Variants in ARHGAP42 observed in about 807,000 individuals in gnomAD.
The protein encoded by ARHGAP42 is rho GTPase-activating protein 42.
In ARHGAP42, 63 loss-of-function variants were observed where a neutral mutation model predicts 125.0. The ratio of observed to expected loss-of-function variants is 0.50; its 90% CI spans 0.41 to 0.62. ARHGAP42 has a LOEUF of 0.62. Ranked by LOEUF, ARHGAP42 falls within the 20% of genes least tolerant of loss-of-function variation. The pLI, the probability that ARHGAP42 is intolerant of heterozygous loss-of-function variation, is 0.00. For synonymous variants in ARHGAP42, 339 were observed against 351.0 expected, an observed-to-expected ratio of 0.97 and a Z score of 0.38; for missense variants, 766 against 1,024.2, an observed-to-expected ratio of 0.75 and a Z score of 3.44.
At chr11:100,967,541 T>C (rs1004588888) in intron 17 of ARHGAP42, among the ~76,000 whole-genome samples, 1 of 152,184 alleles carries the variant, frequency 6.6e-6, no homozygotes, top group African/African-American at 2.4e-5. Context: ...TTTAATTCAA[T>C]AATATTCAGG....
At chr11:100,840,546 T>C (rs1057300121) in intron 3 of ARHGAP42, 6 of 152,204 alleles carry the variant, frequency 3.9e-5, no homozygotes, top group Non-Finnish European at 7.4e-5. Flanking sequence ...TTTGACCATG[T>C]AATTTGATCT....
At chr11:100,750,693 T>G (rs1862427488) in intron 1 of ARHGAP42, among the ~76,000 whole-genome samples, 1 of 150,732 alleles carries the variant, frequency 6.6e-6, no homozygotes, top group Non-Finnish European at 1.5e-5. Context: ...GAAATCGGAA[T>G]GAGTCAGGGT....
At chr11:100,961,224 A>G (rs1458444711) in intron 14 of ARHGAP42, among the ~76,000 whole-genome samples, 2 of 152,164 alleles carry the variant, frequency 1.3e-5, no homozygotes, top group South Asian at 2.1e-4. Flanking sequence ...TAGAGATACA[A>G]TAAGATGCAT....
At chr11:100,882,975 T>C (rs1242408968) in intron 4 of ARHGAP42, among the ~76,000 whole-genome samples, 1 of 152,208 alleles carries the variant, frequency 6.6e-6, no homozygotes, top group Non-Finnish European at 1.5e-5. Flanking sequence ...CTAATTGACC[T>C]TATTTGGATT....
intron 4 of ARHGAP42, among the ~76,000 whole-genome samples, chr11:100,888,576 G>A (rs576315351): frequency 2.8e-4 from 42 of 152,208 alleles, no homozygotes; most frequent in African/African-American, 9.4e-4. Context: ...CGTGTCAAAC[G>A]ATGTTGTTAT....
At chr11:100,900,152 T>C (rs1866502076) in intron 4 of ARHGAP42, among the ~76,000 whole-genome samples, 1 of 152,188 alleles carries the variant, frequency 6.6e-6, no homozygotes. Context: ...ATTTTCTTTC[T>C]CCTTCACTTA....
intron 3 of ARHGAP42, among the ~76,000 whole-genome samples, chr11:100,835,319 C>T (rs553395768): frequency 2.3e-4 from 35 of 152,250 alleles, no homozygotes; most frequent in African/African-American, 8.2e-4. Context: ...ATTATCTTTA[C>T]AGTTATACAT....
intron 12 of ARHGAP42, among the ~76,000 whole-genome samples, chr11:100,950,487 G>C (rs966172264): frequency 1.3e-5 from 2 of 151,594 alleles, no homozygotes; most frequent in African/African-American, 4.8e-5. Context: ...TTAGTGGATA[G>C]TGGCTAAGAA....
intron 3 of ARHGAP42, among the ~76,000 whole-genome samples, chr11:100,837,507 G>A (rs538719953): frequency 3.2e-4 from 48 of 151,958 alleles, no homozygotes; most frequent in African/African-American, 1.1e-3. Flanking sequence ...AAATACACAA[G>A]GAATGAGTGC....
chr11:100,731,151 T>G (rs936556307), intron 1 of ARHGAP42, among the ~76,000 whole-genome samples: 3 of 152,110 alleles, frequency 2.0e-5, no homozygotes, highest in Non-Finnish European at 4.4e-5. Flanking sequence ...CTTAGATTTA[T>G]ATCATTATAT....
chr11:100,733,846 A>AG lies in ARHGAP42; in HGVS notation c.155-36497_155-36496insG, dbSNP rs1250425123. 2.7e-5 allele frequency among the ~76,000 whole-genome samples: 4 copies of AG among 150,260 alleles called. No individual in the cohort carries two copies. The East Asian group carries it at 7.8e-4, about 29-fold the overall frequency. The stretch of plus-strand genomic sequence containing the variant: ...TCTGGAAAAAAAAAAAAAAAAAAAA[A>AG]AAAAAGCACTCCATTTATACAAATT... On this transcript the variant is annotated intron_variant, in intron 1 of 23. Transcript: ENST00000298815.
chr11:100,974,342 C>A, intron 18 of ARHGAP42, 117 bp from the exon 19 acceptor site: 1 of 941,088 alleles, frequency 1.1e-6, no homozygotes, highest in Non-Finnish European at 1.5e-6. Flanking sequence ...GTTACAATTG[C>A]TCTAGGATAC....
Position 100,811,907 on chromosome 11 carries a change from G to A in ARHGAP42, c.312+16741G>A, listed in dbSNP as rs117604823. Among the ~76,000 whole-genome samples, 10 of 152,176 alleles carry A rather than the reference G, an allele frequency of 6.6e-5. No homozygotes were observed. In the East Asian group the frequency reaches 1.7e-3, roughly 26 times the overall value. On this transcript the variant is annotated intron_variant, in intron 3 of 23. Coordinates refer to ENST00000298815, the MANE Select transcript of ARHGAP42 (RefSeq NM_152432.4). ...TTTATGGAGCTTACACTTAAAAACTGCTGCCAAAAACTGATTTCTTTTCAA... is the reference window on the plus strand; with the variant it reads ...TTTATGGAGCTTACACTTAAAAACTACTGCCAAAAACTGATTTCTTTTCAA...
At chr11:100,918,400 A>G (rs930351662) in intron 5 of ARHGAP42, among the ~76,000 whole-genome samples, 1 of 152,146 alleles carries the variant, frequency 6.6e-6, no homozygotes, top group African/African-American at 2.4e-5. Context: ...GCAGAACCAT[A>G]TGGTTTTCTT....
At chr11:100,889,214 T>G (rs1051724494) in intron 4 of ARHGAP42, among the ~76,000 whole-genome samples, 1 of 151,912 alleles carries the variant, frequency 6.6e-6, no homozygotes, top group Non-Finnish European at 1.5e-5. Flanking sequence ...GATTAAAGAG[T>G]GCTATGGTCT....
chr11:100,780,014 A>G (rs994566204), intron 2 of ARHGAP42, among the ~76,000 whole-genome samples: 2 of 151,838 alleles, frequency 1.3e-5, no homozygotes, highest in Admixed American at 1.3e-4. Context: ...GGACAGAGTG[A>G]GACTCCATCT....
Position 100,979,056 on chromosome 11 carries a change from T to A in ARHGAP42, c.2456+7T>A. 4 of 1,551,430 alleles carry A rather than the reference T, an allele frequency of 2.6e-6. No homozygotes were observed. Among genetic ancestry groups the A allele is most frequent in the Non-Finnish European group, 3.5e-6 (4 of 1,146,752 alleles). ...AACCAGTTTCTTCTGGGCGGTAAGT[T>A]CTCCAAACCCTTAAATGCATCTAAA... is the stretch of plus-strand genomic sequence containing the variant. On this transcript the variant is annotated splice_region_variant and intron_variant, in intron 22 of 23. Transcript: ENST00000298815.
At chr11:100,910,411 A>C (rs1866879392) in intron 4 of ARHGAP42, among the ~76,000 whole-genome samples, 1 of 152,204 alleles carries the variant, frequency 6.6e-6, no homozygotes, top group South Asian at 2.1e-4. Context: ...ACTTAATTGA[A>C]ATGCACATAC....
chr11:100,794,064 A>G (rs1322495834), intron 2 of ARHGAP42, among the ~76,000 whole-genome samples: 2 of 130,896 alleles, frequency 1.5e-5, no homozygotes, highest in Non-Finnish European at 3.2e-5. Context: ...CAACAGAGCT[A>G]GACCCTGTCT....
Sources: gnomAD v4.1 joint callset for allele counts (sites outside exome capture counted in the v4.1 genomes callset) on GRCh38, gnomAD v4.1.1 for gene constraint, MANE v1.5 for transcripts, NCBI Gene and HGNC (gene_info 2026-07-23, HGNC 2026-07-21) for gene names.